The following NCOA7 variants were observed in gnomAD, a reference collection of about 807,000 sequenced individuals.
NCOA7 encodes 140 kDa estrogen receptor-associated protein.
In NCOA7, 45 loss-of-function variants were observed where a neutral mutation model predicts 104.3. The ratio of observed to expected loss-of-function variants is 0.43; its 90% CI spans 0.34 to 0.55. The LOEUF (loss-of-function observed/expected upper bound fraction) is 0.55. NCOA7 is among the 20% of genes least tolerant of loss of function. The probability of loss-of-function intolerance (pLI) is 0.02; values close to 1 mark genes in which losing one functional copy is unlikely to be tolerated. For synonymous variants in NCOA7, 398 were observed against 402.3 expected, an observed-to-expected ratio of 0.99 and a Z score of 0.13; for missense variants, 1,041 against 1,119.7, an observed-to-expected ratio of 0.93 and a Z score of 1.00.
rs1483953864 is a variant in NCOA7, at chr6:125,882,492, G to A, written c.640G>A (p.Asp214Asn). The change falls in exon 7 of 16, where the codon GAT (aspartate) becomes AAT (asparagine). Residue 214 changes from aspartate to asparagine, a missense_variant. By Grantham distance (23) the Asp-to-Asn change is conservative. Transcript: ENST00000392477. ...AGTCTTATCGTCTACTTCTGAAGAAGATGAGCCAGGTGTGGTGAAATTTTT... is the reference window on the plus strand; with the variant it reads ...AGTCTTATCGTCTACTTCTGAAGAAAATGAGCCAGGTGTGGTGAAATTTTT... ...ERVLSSTSEE[D>N]EPGVVKFLKM... The A allele has an allele frequency of 1.2e-6, 2 of 1,613,768 alleles. No homozygotes were observed. The highest frequency in any genetic ancestry group is 2.2e-5 in the South Asian group (2 of 91,038).
At chr6:125,784,492 C>A (rs969392931) in intron 1 of NCOA7, among the ~76,000 whole-genome samples, 1 of 152,188 alleles carries the variant, frequency 6.6e-6, no homozygotes, top group Non-Finnish European at 1.5e-5. Context: ...TCTTAAAAAA[C>A]TAAATATGCA....
chr6:125,918,360 G>A (rs1028930426), intron 11 of NCOA7, among the ~76,000 whole-genome samples: 5 of 152,180 alleles, frequency 3.3e-5, no homozygotes, highest in African/African-American at 1.2e-4. Flanking sequence ...GTGTTGTCTT[G>A]CTGGCATTCT....
chr6:125,889,092 A>G lies in NCOA7; in HGVS notation c.1038A>G (p.Arg346=). ...NGEKIMTSDS[R]PIVPLEKSTG... is the part of the protein sequence containing the mutation. ...AGAAAATTATGACTTCGGATTCCAG[A>G]CCAATAGTACCTTTGGAGAAGTCCA... is the stretch of plus-strand genomic sequence containing the variant. The change falls in exon 9 of 16, where the codon AGA becomes AGG. Residue 346 remains arginine, a synonymous_variant. Transcript: ENST00000392477. 3 of 1,614,124 alleles carry G rather than the reference A, an allele frequency of 1.9e-6. No homozygotes were observed. The highest frequency in any genetic ancestry group is 2.5e-6 in the Non-Finnish European group (3 of 1,179,994).
chr6:125,915,508 CGTA>C, intron 11 of NCOA7, 28 bp downstream of exon 11: 2 of 1,612,696 alleles, frequency 1.2e-6, no homozygotes, highest in Non-Finnish European at 1.7e-6. Context: ...GTTAGACCGT[CGTA>C]GTTCCTAAGG....
chr6:125,895,078 A>G (rs1436379534), intron 10 of NCOA7, among the ~76,000 whole-genome samples: 1 of 152,144 alleles, frequency 6.6e-6, no homozygotes. Flanking sequence ...CTTAATGCTG[A>G]CAGATTGTCC....
At chr6:125,915,180 G>A (rs1786946688) in intron 10 of NCOA7, among the ~76,000 whole-genome samples, 153 bp from the exon 11 acceptor site, 1 of 152,148 alleles carries the variant, frequency 6.6e-6, no homozygotes, top group Non-Finnish European at 1.5e-5. Flanking sequence ...TTTTGAGTAT[G>A]GAAGTAGAGA....
chr6:125,890,867 G>A (rs1038460002), intron 10 of NCOA7, 57 bp downstream of exon 10: 3 of 1,380,178 alleles, frequency 2.2e-6, no homozygotes, highest in Admixed American at 5.5e-5. Flanking sequence ...ATGGCGTTTT[G>A]ATATTCTTTA....
chr6:125,926,065 C>T (rs185865581), intron 13 of NCOA7, among the ~76,000 whole-genome samples: 1 of 152,232 alleles, frequency 6.6e-6, no homozygotes, highest in African/African-American at 2.4e-5. Flanking sequence ...AATCCCAGCA[C>T]TTTGGTAGGC....
intron 4 of NCOA7, among the ~76,000 whole-genome samples, chr6:125,877,596 A>G (rs1263377826): frequency 6.6e-6 from 1 of 152,166 alleles, no homozygotes; most frequent in Non-Finnish European, 1.5e-5. Context: ...GTTCCTCCTC[A>G]GAAGGAAAGA....
intron 10 of NCOA7, among the ~76,000 whole-genome samples, chr6:125,900,881 G>A (rs552621304): frequency 2.6e-5 from 4 of 152,108 alleles, no homozygotes; most frequent in Admixed American, 6.6e-5. Context: ...GAAACTGGAA[G>A]AGGCCCTACA....
At chr6:125,911,673 G>T (rs1039803630) in intron 10 of NCOA7, among the ~76,000 whole-genome samples, 1 of 151,686 alleles carries the variant, frequency 6.6e-6, no homozygotes, top group East Asian at 1.9e-4. Flanking sequence ...AATTATTAGG[G>T]TCTCTTTTAT....
At chr6:125,913,975 A>G (rs927005569) in intron 10 of NCOA7, among the ~76,000 whole-genome samples, 12 of 152,266 alleles carry the variant, frequency 7.9e-5, no homozygotes, top group African/African-American at 2.9e-4. Context: ...CAAGTTTGTT[A>G]TGAAACTTAA....
chr6:125,831,090 A>C (rs1396730143), intron 2 of NCOA7, among the ~76,000 whole-genome samples: 1 of 152,198 alleles, frequency 6.6e-6, no homozygotes, highest in Non-Finnish European at 1.5e-5. Context: ...ATGGCATATT[A>C]GTACTGTCAG....
At chr6:125,786,018 A>AT (rs1325584559), upstream of NCOA7, 1 of 152,186 alleles carries the variant, frequency 6.6e-6, no homozygotes, top group East Asian at 1.9e-4. Flanking sequence ...GGACACTTAC[A>AT]TTTTTCTCAA....
chr6:125,876,944 T>C (rs1783431699), intron 4 of NCOA7, among the ~76,000 whole-genome samples: 1 of 152,182 alleles, frequency 6.6e-6, no homozygotes, highest in African/African-American at 2.4e-5. Context: ...GTTAAAGTTT[T>C]TCTTACTCTG....
intron 3 of NCOA7, among the ~76,000 whole-genome samples, chr6:125,863,945 T>C (rs1432686467): frequency 7.3e-6 from 1 of 137,874 alleles, no homozygotes; most frequent in South Asian, 2.2e-4. Flanking sequence ...TTTCAACATA[T>C]GAATTTTGGG....
At position 125,845,103 on chromosome 6, in the gene NCOA7, T is replaced by G. The variant is rs187065736; in HGVS notation, c.51-9917T>G. ...AACACAAACGTTTCTGCCCAAAGAC[T>G]GAGCTCGTTCCATTGTCAGAGGTGG... On this transcript the variant is annotated intron_variant, in intron 2 of 15. Transcript: ENST00000392477. Among the ~76,000 whole-genome samples the G allele has an allele frequency of 3.2e-3, 487 of 152,268 alleles. 3 individuals carry two copies. Among genetic ancestry groups the G allele is most frequent in the Non-Finnish European group, 4.6e-3 (310 of 68,022 alleles).
At chr6:125,859,416 T>TA (rs1281852295) in intron 3 of NCOA7, among the ~76,000 whole-genome samples, 1 of 152,166 alleles carries the variant, frequency 6.6e-6, no homozygotes, top group African/African-American at 2.4e-5. Context: ...TCTGCATGTG[T>TA]AAAACAAAAG....
chr6:125,919,245 C>G (rs1787350612), intron 11 of NCOA7: 31 of 1,604,106 alleles, frequency 1.9e-5, no homozygotes, highest in Non-Finnish European at 2.6e-5. Context: ...AAACTAGATA[C>G]TGAGAAAACA....
Sources: gnomAD v4.1 joint callset for allele counts (sites outside exome capture counted in the v4.1 genomes callset) on GRCh38, gnomAD v4.1.1 for gene constraint, MANE v1.5 for transcripts, NCBI Gene and HGNC (gene_info 2026-07-23, HGNC 2026-07-21) for gene names.